Variants in ERC2 observed in about 807,000 individuals in gnomAD.
ERC2 encodes ELKS/RAB6-interacting/CAST family member 2.
Under a neutral mutation model 114.8 loss-of-function variants are expected in ERC2, and 42 were observed. That is an observed-to-expected ratio of 0.37 (90% CI 0.29 to 0.47). The LOEUF (loss-of-function observed/expected upper bound fraction) is 0.47. Among genes scored for constraint, ERC2 ranks in the 20% least tolerant of loss-of-function variants. The pLI, the probability that ERC2 is intolerant of heterozygous loss-of-function variation, is 0.99. For synonymous variants in ERC2, 454 were observed against 425.5 expected, an observed-to-expected ratio of 1.07 and a Z score of -0.82; for missense variants, 939 against 1,150.7, an observed-to-expected ratio of 0.82 and a Z score of 2.66.
At chr3:56,314,154 A>G (rs888099528) in intron 2 of ERC2, among the ~76,000 whole-genome samples, 6 of 152,146 alleles carry the variant, frequency 3.9e-5, no homozygotes, top group Non-Finnish European at 7.3e-5. Context: ...AAGCCTGGTC[A>G]CTCACTAGTT....
chr3:55,625,744 C>T (rs964921126), intron 17 of ERC2, among the ~76,000 whole-genome samples: 5 of 151,930 alleles, frequency 3.3e-5, no homozygotes, highest in Non-Finnish European at 5.9e-5. Context: ...GAGCGAGACT[C>T]CGTCTCAAAA....
At chr3:56,194,496 G>A (rs2047978065) in intron 3 of ERC2, among the ~76,000 whole-genome samples, 1 of 152,024 alleles carries the variant, frequency 6.6e-6, no homozygotes, top group Admixed American at 6.6e-5. Flanking sequence ...ATGAAAAATG[G>A]TCTACCTATA....
intron 6 of ERC2, among the ~76,000 whole-genome samples, chr3:56,106,686 G>A (rs2078681836): frequency 6.6e-6 from 1 of 152,150 alleles, no homozygotes; most frequent in Non-Finnish European, 1.5e-5. Flanking sequence ...TAGCCATGAG[G>A]GAGTAACAGC....
intron 17 of ERC2, among the ~76,000 whole-genome samples, chr3:55,675,899 CTT>C (rs2061771739): frequency 1.7e-5 from 1 of 58,122 alleles, no homozygotes; most frequent in Admixed American, 2.1e-4. Context: ...TTTCTCTTTT[CTT>C]TCTTTTTTTT....
chr3:55,744,044 G>T (rs1303165921), intron 14 of ERC2, among the ~76,000 whole-genome samples: 1 of 152,228 alleles, frequency 6.6e-6, no homozygotes, highest in African/African-American at 2.4e-5. Flanking sequence ...CTGCATGGCA[G>T]ATGGGAAGTT....
chr3:55,533,954 T>G (rs56097241), intron 17 of ERC2, among the ~76,000 whole-genome samples: 23,471 of 152,218 alleles, frequency 0.15, 2,152 homozygotes, highest in Middle Eastern at 0.27. Flanking sequence ...TGGATAAGAA[T>G]GCAGCCCCTA....
intron 15 of ERC2, among the ~76,000 whole-genome samples, chr3:55,722,551 G>A (rs2064638396): frequency 6.6e-6 from 1 of 152,132 alleles, no homozygotes; most frequent in Non-Finnish European, 1.5e-5. Context: ...CGTGCAACAT[G>A]CCCTACATTT....
intron 3 of ERC2, among the ~76,000 whole-genome samples, chr3:56,199,549 C>G (rs114122955): frequency 0.014 from 2,169 of 151,988 alleles, 57 homozygotes; most frequent in African/African-American, 0.049. Flanking sequence ...GTTCTGTCAC[C>G]CAGGCTGGAG....
intron 17 of ERC2, among the ~76,000 whole-genome samples, chr3:55,585,244 G>A (rs1013791520): frequency 7.9e-5 from 12 of 152,218 alleles, no homozygotes; most frequent in African/African-American, 2.4e-4. Context: ...CACTTTGCAA[G>A]ATGGGTTAAC....
intron 17 of ERC2, among the ~76,000 whole-genome samples, chr3:55,600,760 A>G (rs879847833): frequency 1.9e-4 from 29 of 152,346 alleles, no homozygotes; most frequent in Admixed American, 1.7e-3. Context: ...GCTTCAGTGC[A>G]GGCCTTTGGA....
At chr3:56,272,630 C>T (rs1418346161) in intron 3 of ERC2, among the ~76,000 whole-genome samples, 2 of 152,120 alleles carry the variant, frequency 1.3e-5, no homozygotes, top group African/African-American at 2.4e-5. Context: ...ATTAGCCAGG[C>T]GGGGTAGTGC....
chr3:55,960,702 A>G (rs1429062352), intron 12 of ERC2, among the ~76,000 whole-genome samples: 1 of 152,206 alleles, frequency 6.6e-6, no homozygotes, highest in South Asian at 2.1e-4. Flanking sequence ...CCAAGCTACC[A>G]TCATGTCCAA....
At chr3:56,089,257 T>G (rs1241046209) in intron 6 of ERC2, among the ~76,000 whole-genome samples, 1 of 152,276 alleles carries the variant, frequency 6.6e-6, no homozygotes, top group East Asian at 1.9e-4. Context: ...AACTGAAAAT[T>G]GTCAATTAAC....
intron 3 of ERC2, among the ~76,000 whole-genome samples, chr3:56,221,875 C>A (rs146640309): frequency 1.1e-3 from 165 of 151,292 alleles, no homozygotes; most frequent in African/African-American, 3.8e-3. Context: ...CCAGCCTGGG[C>A]GACAGAGCAA....
chr3:55,772,199 G>A (rs754743076), intron 14 of ERC2, among the ~76,000 whole-genome samples: 8 of 152,216 alleles, frequency 5.3e-5, no homozygotes, highest in Admixed American at 2.6e-4. Context: ...CTAGAGTGCA[G>A]TGGTGTGATC....
At chr3:56,443,042 T>C (rs898204339) in intron 1 of ERC2, among the ~76,000 whole-genome samples, 1 of 152,184 alleles carries the variant, frequency 6.6e-6, no homozygotes, top group Admixed American at 6.5e-5. Context: ...CAGGAAAAGA[T>C]AGAAGATCAA....
chr3:55,972,189 T>A (rs186824576), intron 12 of ERC2, among the ~76,000 whole-genome samples: 1 of 152,176 alleles, frequency 6.6e-6, no homozygotes, highest in African/African-American at 2.4e-5. Flanking sequence ...TCTTTATCAT[T>A]AGACCATTCA....
At chr3:56,391,225 A>C (rs1051124993) in intron 2 of ERC2, among the ~76,000 whole-genome samples, 1 of 152,192 alleles carries the variant, frequency 6.6e-6, no homozygotes, top group Non-Finnish European at 1.5e-5. Context: ...AGACTGTCAT[A>C]AGAAGGAGGA....
intron 15 of ERC2, among the ~76,000 whole-genome samples, chr3:55,719,453 G>A (rs1359802592): frequency 6.6e-6 from 1 of 152,140 alleles, no homozygotes; most frequent in African/African-American, 2.4e-5. Context: ...TGCCAAAGCT[G>A]GGTGTCCACC....
Sources: gnomAD v4.1 joint callset for allele counts (sites outside exome capture counted in the v4.1 genomes callset) on GRCh38, gnomAD v4.1.1 for gene constraint, MANE v1.5 for transcripts, NCBI Gene and HGNC (gene_info 2026-07-23, HGNC 2026-07-21) for gene names.